RBM8A: variants seen among roughly 807,000 people sequenced by gnomAD.
The protein encoded by RBM8A is RNA-binding protein 8A.
A neutral mutation model predicts 25.1 loss-of-function variants in RBM8A; 8 were observed. The ratio of observed to expected loss-of-function variants is 0.32; its 90% CI spans 0.19 to 0.58. The LOEUF (loss-of-function observed/expected upper bound fraction) is 0.58, where lower values mean the gene tolerates loss of function less well. Ranked by LOEUF, RBM8A falls within the 20% of genes least tolerant of loss-of-function variation. RBM8A has a pLI of 0.88. For synonymous variants in RBM8A, 66 were observed against 80.0 expected (o/e 0.82, Z 0.94); for missense variants, 114 against 236.8 (o/e 0.48, Z 3.40).
At chr1:145,926,205 A>T (rs376913305) in intron 4 of RBM8A, 28 bp from the exon 5 acceptor site, 257 of 1,608,684 alleles carry the variant, frequency 1.6e-4, no homozygotes, top group Admixed American at 7.2e-4. Flanking sequence ...ACAGATATGA[A>T]AACCCTCCTA....
At chr1:145,926,968 C>T in intron 2 of RBM8A, 50 bp downstream of exon 2, 1 of 1,614,086 alleles carries the variant, frequency 6.2e-7, no homozygotes. Context: ...CTCCAAAACC[C>T]GTAGCTCCTG....
chr1:145,923,724 C>G lies in RBM8A; in HGVS notation c.*2158G>C. 1 of 474,130 alleles carries G rather than the reference C, an allele frequency of 2.1e-6. No homozygotes were observed. Among genetic ancestry groups the G allele is most frequent in the Non-Finnish European group, 3.7e-6 (1 of 269,764 alleles). The allele number at this position is 474,130 out of a possible 1,614,324, so 29.4% of individuals were successfully genotyped here. A position where few individuals can be genotyped will look rare whatever the true frequency, so the allele number is the denominator to read the frequency against. On this transcript the variant is annotated 3_prime_UTR_variant, in exon 6 of 6. Coordinates refer to ENST00000583313, the MANE Select transcript of RBM8A (RefSeq NM_005105.5). ...GTTACTGCACATAAGACTATTACTA[C>G]TAAAGGTCACTTCAGAGTCCCTGCA...
chr1:145,926,238 T>A, intron 4 of RBM8A, 61 bp from the exon 5 acceptor site: 1 of 1,594,564 alleles, frequency 6.3e-7, no homozygotes, highest in Non-Finnish European at 8.6e-7. Flanking sequence ...TCACTGAGTA[T>A]CTTTTTCCTC....
In RBM8A at chr1:145,923,600, C is replaced by G. The variant is rs1647931080; in HGVS notation, c.*2282G>C. On this transcript the variant is annotated 3_prime_UTR_variant, in exon 6 of 6. Transcript: ENST00000583313. ...TAAACAGAAATAGTTTTTACTGATT[C>G]AGTTGGAAAACCCAGCAATTTAACA... The G allele has an allele frequency of 3.6e-6, 1 of 280,434 alleles. No individual in the cohort carries two copies. The highest frequency in any genetic ancestry group is 6.7e-6 in the Non-Finnish European group (1 of 150,066). 17.4% of individuals were successfully genotyped at this position (280,434 alleles called of 1,614,324 possible).
In RBM8A at chr1:145,926,632, G is replaced by C. The variant is rs1292763629; in HGVS notation, c.206-14C>G. On this transcript the variant is annotated splice_polypyrimidine_tract_variant and intron_variant, in intron 3 of 5. Transcript: ENST00000583313. ...AGCCTTCAACAGCTGTTGGGGGACG[G>C]GGGGAAGTTGTATGAGTACATGAGA... is the stretch of plus-strand genomic sequence containing the variant. The C allele has an allele frequency of 3.1e-6, 5 of 1,613,746 alleles. No individual in the cohort carries two copies. The Admixed American group carries it at 5.0e-5, about 16-fold the overall frequency.
chr1:145,927,083 A>G lies in RBM8A; in HGVS notation c.68-6T>C, dbSNP rs112273321. On this transcript the variant is annotated splice_polypyrimidine_tract_variant and splice_region_variant and intron_variant, in intron 1 of 5. Transcript: ENST00000583313. ...TTTCAGTTTGTGAATGCTCTCTGGA[A>G]CCCCAGAAGATAAAAGAATAAGTAA... 1.7e-3 allele frequency: 2,780 copies of G among 1,612,732 alleles called. 25 individuals are homozygous for G. The African/African-American group carries it at 0.02, about 12-fold the overall frequency.
chr1:145,927,113 G>A (rs781810748), intron 1 of RBM8A, 36 bp from the exon 2 acceptor site: 1 of 1,603,862 alleles, frequency 6.2e-7, no homozygotes, highest in Non-Finnish European at 8.5e-7. Context: ...AAGTAACTAT[G>A]ACAGTCATTT....
chr1:145,926,220 C>T (rs1553755857), intron 4 of RBM8A, 43 bp from the exon 5 acceptor site: 4 of 1,606,016 alleles, frequency 2.5e-6, no homozygotes, highest in Middle Eastern at 2.0e-4. Flanking sequence ...CTCCTATTTC[C>T]CCAAGTATCA....
intron 1 of RBM8A, 78 bp downstream of exon 1, chr1:145,927,282 A>C: frequency 1.3e-6 from 2 of 1,526,288 alleles, no homozygotes; most frequent in Non-Finnish European, 1.8e-6. Flanking sequence ...ACGACCGAGG[A>C]AAAAAGAGTA....
At chr1:145,926,253 C>G (rs1648150881) in intron 4 of RBM8A, 76 bp from the exon 5 acceptor site, 1 of 1,576,008 alleles carries the variant, frequency 6.3e-7, no homozygotes, top group African/African-American at 1.4e-5. Context: ...TTCCTCAAAT[C>G]TAAACTCAGA....
Position 145,925,043 on chromosome 1 carries a change from C to T in RBM8A, c.*839G>A, listed in dbSNP as rs1648066370. 3.7e-6 allele frequency: 1 copy of T among 267,770 alleles called. No individual in the cohort carries two copies. Among genetic ancestry groups the T allele is most frequent in the Non-Finnish European group, 6.8e-6 (1 of 146,458 alleles). 16.6% of individuals were successfully genotyped at this position (267,770 alleles called of 1,614,324 possible). A position where few individuals can be genotyped will look rare whatever the true frequency, so the allele number is the denominator to read the frequency against. On this transcript the variant is annotated 3_prime_UTR_variant, in exon 6 of 6. Transcript: ENST00000583313. ...GGCCTCCTCAATGCTCCTTTGGATC[C>T]TCTCCTCTATGGGGCCTTCACCCTT...
chr1:145,926,753 T>A, intron 3 of RBM8A, 56 bp downstream of exon 3: 1 of 1,614,020 alleles, frequency 6.2e-7, no homozygotes, highest in Non-Finnish European at 8.5e-7. Flanking sequence ...ACTATTTTAT[T>A]GGTTTCTAAC....
In RBM8A at chr1:145,924,574, A is replaced by G. The variant is rs1225537971; in HGVS notation, c.*1308T>C. On this transcript the variant is annotated 3_prime_UTR_variant, in exon 6 of 6. Transcript: ENST00000583313. The stretch of plus-strand genomic sequence containing the variant: ...TAGCTGGACAAGGACTAGGGAGGCA[A>G]TCAGTATTATTTATTCTTGAACACC... The G allele has an allele frequency of 1.4e-5, 5 of 365,626 alleles. No homozygotes were observed. The highest frequency in any genetic ancestry group is 2.2e-5 in the Non-Finnish European group (4 of 181,552). The allele number at this position is 365,626 out of a possible 1,614,324, so 22.6% of individuals were successfully genotyped here.
At position 145,922,406 on chromosome 1, in the gene RBM8A, T is replaced by C. The variant is rs982836609; in HGVS notation, c.*3476A>G. On this transcript the variant is annotated 3_prime_UTR_variant, in exon 6 of 6. Coordinates refer to ENST00000583313, the MANE Select transcript of RBM8A (RefSeq NM_005105.5). ...AAGACTTTTTGTTTCAGTCTGCCTG[T>C]TTTACTTTGTTTTTTTCTGAGTCTC... 2 of 152,190 alleles carry C rather than the reference T, an allele frequency of 1.3e-5. No homozygotes were observed. Among genetic ancestry groups the C allele is most frequent in the African/African-American group, 4.8e-5 (2 of 41,454 alleles). 9.4% of individuals were successfully genotyped at this position (152,190 alleles called of 1,614,324 possible). A position where few individuals can be genotyped will look rare whatever the true frequency, so the allele number is the denominator to read the frequency against.
Position 145,924,180 on chromosome 1 carries a change from G to C in RBM8A, c.*1702C>G. ...CTGTTCCTGTTCCACACGGTCCACT[G>C]AGCTGGCCCAGTCCCTTTCACTCAG... On this transcript the variant is annotated 3_prime_UTR_variant, in exon 6 of 6. Coordinates refer to ENST00000583313, the MANE Select transcript of RBM8A (RefSeq NM_005105.5). 1 of 699,032 alleles carries C rather than the reference G, an allele frequency of 1.4e-6. No homozygotes were observed. Among genetic ancestry groups the C allele is most frequent in the South Asian group, 1.5e-5 (1 of 66,556 alleles). The allele number at this position is 699,032 out of a possible 1,614,324, so 43.3% of individuals were successfully genotyped here. A position where few individuals can be genotyped will look rare whatever the true frequency, so the allele number is the denominator to read the frequency against.
rs1647992113 is a variant in RBM8A, at chr1:145,924,504, CTAGAGA to C, written c.*1372_*1377del. 2.6e-6 allele frequency: 1 copy of C among 378,612 alleles called. No individual in the cohort carries two copies. The allele number at this position is 378,612 out of a possible 1,614,324, so 23.5% of individuals were successfully genotyped here. ...TTCTAACCATGTCTAGCACCTGATGCTAGAGATAATTTTGTTGAATCCCTTCAATTA... is the reference window on the plus strand; with the variant it reads ...TTCTAACCATGTCTAGCACCTGATGCTAATTTTGTTGAATCCCTTCAATTA... On this transcript the variant is annotated 3_prime_UTR_variant, in exon 6 of 6. Coordinates refer to ENST00000583313, the MANE Select transcript of RBM8A (RefSeq NM_005105.5).
intron 1 of RBM8A, 137 bp from the exon 2 acceptor site, chr1:145,927,214 C>G: frequency 3.5e-6 from 5 of 1,447,648 alleles, no homozygotes; most frequent in Non-Finnish European, 4.8e-6. Flanking sequence ...CCTCCCTTCT[C>G]CTGAAGGGGG....
chr1:145,927,206 T>C, intron 1 of RBM8A, 129 bp from the exon 2 acceptor site: 1 of 1,454,084 alleles, frequency 6.9e-7, no homozygotes, highest in Non-Finnish European at 9.5e-7. Context: ...GGTCACGCCC[T>C]CCCTTCTCCT....
rs1231889887 is a variant in RBM8A, at chr1:145,924,070, T to C, written c.*1812A>G. ...GTGCTGCTTCACTTGGAATTAAGGATGAATTGGGAGGAGACAGTATGACAT... is the reference window on the plus strand; with the variant it reads ...GTGCTGCTTCACTTGGAATTAAGGACGAATTGGGAGGAGACAGTATGACAT... On this transcript the variant is annotated 3_prime_UTR_variant, in exon 6 of 6. Transcript: ENST00000583313. The C allele has an allele frequency of 1.4e-6, 1 of 703,974 alleles. No homozygotes were observed. The highest frequency in any genetic ancestry group is 1.8e-5 in the African/African-American group (1 of 56,930). The allele number at this position is 703,974 out of a possible 1,614,324, so 43.6% of individuals were successfully genotyped here.
Sources: gnomAD v4.1 joint callset for allele counts on GRCh38, gnomAD v4.1.1 for gene constraint, MANE v1.5 for transcripts, NCBI Gene and HGNC (gene_info 2026-07-23, HGNC 2026-07-21) for gene names.